ACTA2: variants seen among roughly 807,000 people sequenced by gnomAD.
ACTA2 encodes actin alpha 2, smooth muscle.
In ACTA2, 12 loss-of-function variants were observed where a neutral mutation model predicts 39.5. The observed-to-expected ratio is 0.30, with a 90% CI of 0.19 to 0.49. The LOEUF is 0.49. Among genes scored for constraint, ACTA2 ranks in the 20% least tolerant of loss-of-function variants. The pLI, the probability that ACTA2 is intolerant of heterozygous loss-of-function variation, is 0.99. For synonymous variants in ACTA2, 158 were observed against 180.6 expected (o/e 0.88, Z 1.00); for missense variants, 236 against 498.8 (o/e 0.47, Z 5.02).
At chr10:88,960,568 G>C (rs1189195416) in intron 1 of ACTA2, among the ~76,000 whole-genome samples, 2 of 152,140 alleles carry the variant, frequency 1.3e-5, no homozygotes, top group African/African-American at 4.8e-5. Context: ...CGACCAAGAG[G>C]CATTCCCTAA....
intron 1 of ACTA2, among the ~76,000 whole-genome samples, chr10:88,972,200 C>G (rs1322636099): frequency 6.6e-6 from 1 of 152,172 alleles, no homozygotes; most frequent in African/African-American, 2.4e-5. Context: ...AGCCACCACG[C>G]CCAGCCAGGG....
In ACTA2 at chr10:88,935,429, T is replaced by G. The variant is rs1266521393; in HGVS notation, c.991-63A>C. 2.5e-6 allele frequency: 4 copies of G among 1,581,652 alleles called. No individual in the cohort carries two copies. The African/African-American group carries it at 5.4e-5, about 21-fold the overall frequency. On this transcript the variant is annotated intron_variant, in intron 8 of 8. Transcript: ENST00000224784. ...ATCATTAGTGCAGTCGTTAGTGCGGTAGGACAGAGCCTGGATGTTCTACCA... is the reference window on the plus strand; with the variant it reads ...ATCATTAGTGCAGTCGTTAGTGCGGGAGGACAGAGCCTGGATGTTCTACCA...
chr10:88,939,815 T>C, intron 6 of ACTA2, 117 bp from the exon 7 acceptor site: 1 of 1,083,812 alleles, frequency 9.2e-7, no homozygotes, highest in South Asian at 1.3e-5. Flanking sequence ...ATGTGTCAGT[T>C]CAATATTCTG....
chr10:88,971,678 G>A (rs1254582881), intron 1 of ACTA2, among the ~76,000 whole-genome samples: 3 of 152,012 alleles, frequency 2.0e-5, no homozygotes, highest in Non-Finnish European at 2.9e-5. Context: ...TAACTAATAG[G>A]ACACGTGTAA....
intron 1 of ACTA2, among the ~76,000 whole-genome samples, chr10:88,958,326 G>A (rs1846170910): frequency 6.6e-6 from 1 of 152,160 alleles, no homozygotes; most frequent in South Asian, 2.1e-4. Context: ...ATAAAAATAA[G>A]TCAACTAATA....
intron 1 of ACTA2, among the ~76,000 whole-genome samples, chr10:88,976,200 G>C (rs1363482796): frequency 2.0e-5 from 3 of 151,946 alleles, no homozygotes; most frequent in African/African-American, 7.3e-5. Flanking sequence ...TATAGCTGAT[G>C]AGCTAAAAAA....
At chr10:88,943,669 T>C in intron 4 of ACTA2, 128 bp downstream of exon 4, 1 of 778,736 alleles carries the variant, frequency 1.3e-6, no homozygotes, top group East Asian at 2.6e-5. Flanking sequence ...ATCCCTGAGT[T>C]CACTGAAGGC....
chr10:88,979,797 C>A (rs889082063), intron 1 of ACTA2, among the ~76,000 whole-genome samples: 5 of 152,152 alleles, frequency 3.3e-5, no homozygotes. Context: ...TAATCAAATG[C>A]CAGGAGGATC....
At chr10:88,949,121 T>G (rs1018047672) in intron 1 of ACTA2, among the ~76,000 whole-genome samples, 168 bp from the exon 2 acceptor site, 1 of 152,226 alleles carries the variant, frequency 6.6e-6, no homozygotes, top group Non-Finnish European at 1.5e-5. Context: ...TTAGTTACAC[T>G]ATAAGCTTTC....
intron 1 of ACTA2, among the ~76,000 whole-genome samples, chr10:88,959,956 G>C (rs749733807): frequency 4.1e-4 from 63 of 152,142 alleles, no homozygotes; most frequent in Non-Finnish European, 7.2e-4. Flanking sequence ...AGACCCTAGA[G>C]GTAAGTTGCT....
At chr10:88,944,445 G>T (rs1431963297) in intron 3 of ACTA2, among the ~76,000 whole-genome samples, 5 of 152,168 alleles carry the variant, frequency 3.3e-5, no homozygotes, top group South Asian at 2.1e-4. Flanking sequence ...ATGGGAAAAT[G>T]ATTTAATTTT....
rs748275082 is a variant in ACTA2 at position 88,988,416 on chromosome 10, G to GT, written c.-24+2522dup. Among the ~76,000 whole-genome samples the GT allele has an allele frequency of 1.9e-3, 24 of 12,472 alleles. 1 individual carries two copies. Among genetic ancestry groups the GT allele is most frequent in the African/African-American group, 6.0e-3 (8 of 1,334 alleles). The allele number at this position is 12,472 out of a possible 152,430, so 8.2% of individuals were successfully genotyped here. ...GTCTTAGTGGTAAAAAGATGTAGAA[G>GT]TTTTTTTTTTTTTTTGTTTTGTTTT... On this transcript the variant is annotated intron_variant, in intron 1 of 4. Transcript: ENST00000415557.
At chr10:88,956,642 C>G (rs1460218027), upstream of ACTA2, among the ~76,000 whole-genome samples, 1 of 152,188 alleles carries the variant, frequency 6.6e-6, no homozygotes, top group African/African-American at 2.4e-5. Flanking sequence ...CATCTCACCA[C>G]CCAATGTGTT....
intron 6 of ACTA2, 115 bp from the exon 7 acceptor site, chr10:88,939,813 G>A: frequency 9.0e-7 from 1 of 1,109,480 alleles, no homozygotes; most frequent in South Asian, 1.3e-5. Context: ...AAATGTGTCA[G>A]TTCAATATTC....
intron 1 of ACTA2, among the ~76,000 whole-genome samples, chr10:88,984,689 T>A (rs182838685): frequency 3.6e-4 from 55 of 151,758 alleles, no homozygotes; most frequent in Middle Eastern, 3.4e-3. Context: ...GTTTAGTTAT[T>A]CATGAAACCA....
intron 1 of ACTA2, among the ~76,000 whole-genome samples, chr10:88,963,947 A>C (rs1054810275): frequency 6.6e-6 from 1 of 151,952 alleles, no homozygotes; most frequent in Non-Finnish European, 1.5e-5. Context: ...GCTCTTTCCT[A>C]CTTTGGCGTC....
At chr10:88,963,665 T>A (rs1473777551) in intron 1 of ACTA2, among the ~76,000 whole-genome samples, 1 of 152,156 alleles carries the variant, frequency 6.6e-6, no homozygotes, top group Non-Finnish European at 1.5e-5. Flanking sequence ...TGAATTTGAT[T>A]TTTGTCTGCA....
rs145440745 is a variant in ACTA2 at position 88,979,837 on chromosome 10, T to G, written c.-24+11102A>C. ...GAGCAACAGCAAAGGTCATTTCTAG[T>G]GCCTGTGTCCTCACCACACACCTCC... On this transcript the variant is annotated intron_variant, in intron 1 of 4. Coordinates refer to the ACTA2 transcript ENST00000415557. Among the ~76,000 whole-genome samples, 808 of 152,316 alleles carry G rather than the reference T, an allele frequency of 5.3e-3. 5 individuals are homozygous for G. Among genetic ancestry groups the G allele is most frequent in the Middle Eastern group, 0.01 (3 of 294 alleles).
chr10:88,969,472 T>C (rs961102964), intron 1 of ACTA2, among the ~76,000 whole-genome samples: 3 of 152,256 alleles, frequency 2.0e-5, no homozygotes, highest in Non-Finnish European at 2.9e-5. Context: ...GCATAGTCTC[T>C]GTTGTGCAAA....
Sources: gnomAD v4.1 joint callset for allele counts (sites outside exome capture counted in the v4.1 genomes callset) on GRCh38, gnomAD v4.1.1 for gene constraint, MANE v1.5 for transcripts, NCBI Gene and HGNC (gene_info 2026-07-23, HGNC 2026-07-21) for gene names.